Variants in EP300 observed in about 807,000 individuals in gnomAD.
EP300 encodes histone acetyltransferase p300.
EP300 carries 31 observed loss-of-function variants against 264.0 expected under a neutral mutation model. That is an observed-to-expected ratio of 0.12 (90% CI 0.09 to 0.16). The LOEUF is 0.16. Ranked by LOEUF, EP300 falls within the 10% of genes least tolerant of loss-of-function variation. The probability of loss-of-function intolerance (pLI) is 1.00; values close to 1 mark genes in which losing one functional copy is unlikely to be tolerated. For missense variants in EP300, 2,766 were observed against 3,052.9 expected (o/e 0.91, Z 2.21); for synonymous variants, 1,340 against 1,045.4 (o/e 1.28, Z -5.44).
At chr22:41,116,917 C>T (rs975655351) in intron 1 of EP300, among the ~76,000 whole-genome samples, 8 of 151,994 alleles carry the variant, frequency 5.3e-5, no homozygotes, top group South Asian at 2.1e-4. Flanking sequence ...AAATTTAGCT[C>T]GGTGTGGTGG....
chr22:41,157,448 G>T (rs1264724916), intron 18 of EP300, 40 bp downstream of exon 18: 1 of 1,601,140 alleles, frequency 6.2e-7, no homozygotes, highest in South Asian at 1.1e-5. Context: ...ACTTTTCTGG[G>T]ATACCTAGAA....
intron 1 of EP300, among the ~76,000 whole-genome samples, chr22:41,094,564 A>G (rs1338388284): frequency 6.6e-6 from 1 of 152,110 alleles, no homozygotes; most frequent in African/African-American, 2.4e-5. Flanking sequence ...GTCTCCAGGG[A>G]TTTTTTTAGC....
At chr22:41,119,662 G>A (rs1339959445) in intron 2 of EP300, among the ~76,000 whole-genome samples, 2 of 152,038 alleles carry the variant, frequency 1.3e-5, no homozygotes, top group Non-Finnish European at 2.9e-5. Context: ...CTGCTTGGGG[G>A]TGTGGGACTA....
chr22:41,123,743 C>T (rs1459453034), intron 2 of EP300, among the ~76,000 whole-genome samples: 1 of 114,340 alleles, frequency 8.7e-6, no homozygotes, highest in East Asian at 2.7e-4. Flanking sequence ...CAGAAGAGGA[C>T]GGTGGCTTCA....
intron 6 of EP300, 74 bp downstream of exon 6, chr22:41,131,707 GCTC>G: frequency 1.9e-6 from 3 of 1,601,988 alleles, no homozygotes; most frequent in Non-Finnish European, 2.6e-6. Flanking sequence ...AGTGTTGTTA[GCTC>G]CTTTTTATTT....
At position 41,179,874 on chromosome 22, in the gene EP300, CCCCACTCACACACA is replaced by C. The variant is rs2059231694; in HGVS notation, c.*920_*933del. ...TTGCTTTCTTCCTCCTTACCCTACC[CCCCACTCACACACA>C]CACACACACACACACACACACACAC... On this transcript the variant is annotated 3_prime_UTR_variant, in exon 31 of 31. Coordinates refer to ENST00000263253, the MANE Select transcript of EP300 (RefSeq NM_001429.4). The C allele has an allele frequency of 2.6e-5, 4 of 153,310 alleles. No individual in the cohort carries two copies. Among genetic ancestry groups the C allele is most frequent in the Admixed American group, 9.8e-5 (1 of 10,250 alleles). 9.5% of individuals were successfully genotyped at this position (153,310 alleles called of 1,614,324 possible).
intron 12 of EP300, 128 bp from the exon 13 acceptor site, chr22:41,148,910 A>C (rs1208493862): frequency 8.0e-7 from 1 of 1,248,124 alleles, no homozygotes; most frequent in Non-Finnish European, 1.1e-6. Context: ...AGCCCTCTTC[A>C]CCTATACTCC....
At position 41,129,903 on chromosome 22, in the gene EP300, A is replaced by G. The variant is rs1184294913; in HGVS notation, c.1182A>G (p.Ala394=). The G allele has an allele frequency of 2.5e-6, 4 of 1,613,788 alleles. No individual in the cohort carries two copies. Among genetic ancestry groups the G allele is most frequent in the South Asian group, 2.2e-5 (2 of 91,084 alleles). The change falls in exon 5 of 31, where the codon GCA becomes GCG. Residue 394 remains alanine (A), a synonymous_variant. Coordinates refer to ENST00000263253, the MANE Select transcript of EP300 (RefSeq NM_001429.4). ...SGKSCQVAHC[A]SSRQIISHWK... ...TCTTCTCTTTAGTGGCACACTGTGCATCTTCTCGACAAATCATTTCACACT... is the reference window on the plus strand; with the variant it reads ...TCTTCTCTTTAGTGGCACACTGTGCGTCTTCTCGACAAATCATTTCACACT...
chr22:41,167,831 T>G (rs1249164721), intron 23 of EP300, among the ~76,000 whole-genome samples: 9 of 74,810 alleles, frequency 1.2e-4, no homozygotes, highest in Admixed American at 3.1e-4. Context: ...TTTTTGTTTT[T>G]TTTTTTTTTT....
intron 1 of EP300, among the ~76,000 whole-genome samples, chr22:41,094,825 T>C (rs954730925): frequency 5.3e-5 from 8 of 152,186 alleles, no homozygotes; most frequent in African/African-American, 1.4e-4. Flanking sequence ...TTTTGTGTAC[T>C]TTGAGTAGTC....
At chr22:41,098,708 A>G (rs544957397) in intron 1 of EP300, among the ~76,000 whole-genome samples, 2 of 152,180 alleles carry the variant, frequency 1.3e-5, no homozygotes, top group Non-Finnish European at 2.9e-5. Context: ...GAGTAAAACT[A>G]AAAGTACTGA....
intron 1 of EP300, among the ~76,000 whole-genome samples, chr22:41,095,195 C>T (rs915767325): frequency 1.5e-4 from 22 of 149,646 alleles, no homozygotes; most frequent in South Asian, 2.1e-4. Flanking sequence ...AAAATACTGT[C>T]CCTCTGTTAA....
chr22:41,134,898 T>TTTTCTTTCTTTCTTTCTTTC (rs58117147), intron 6 of EP300, among the ~76,000 whole-genome samples: 3 of 151,646 alleles, frequency 2.0e-5, no homozygotes, highest in African/African-American at 7.3e-5. Context: ...AGCATTGCTT[T>TTTTCTTTCTTTCTTTCTTTC]TTTCTTTCTT....
chr22:41,156,771 T>G (rs1391409949), intron 17 of EP300, among the ~76,000 whole-genome samples: 1 of 151,974 alleles, frequency 6.6e-6, no homozygotes, highest in Non-Finnish European at 1.5e-5. Flanking sequence ...TTAGGACTTT[T>G]CCTCTCTTGT....
chr22:41,148,354 T>A (rs1396095567), intron 12 of EP300, among the ~76,000 whole-genome samples: 1 of 152,184 alleles, frequency 6.6e-6, no homozygotes, highest in Non-Finnish European at 1.5e-5. Context: ...CCTGCTGCCC[T>A]TTAGAGTTAG....
chr22:41,115,877 C>T (rs190996401), intron 1 of EP300, among the ~76,000 whole-genome samples: 4 of 152,336 alleles, frequency 2.6e-5, no homozygotes, highest in East Asian at 1.9e-4. Flanking sequence ...TATATAGGAA[C>T]TTGGTAAAAA....
intron 20 of EP300, among the ~76,000 whole-genome samples, chr22:41,161,459 T>C (rs2059107859): frequency 6.6e-6 from 1 of 151,894 alleles, no homozygotes; most frequent in Admixed American, 6.6e-5. Context: ...CTACTAAAAA[T>C]ACAAAAAATT....
At position 41,179,282 on chromosome 22, in the gene EP300, TTTA is replaced by T. The variant is rs779681402; in HGVS notation, c.*332_*334del. On this transcript the variant is annotated 3_prime_UTR_variant, in exon 31 of 31. Transcript: ENST00000263253. ...CTCCTGCCTTGCACCTCCAATAGGT[TTTA>T]TTATTTTTTTTAAATTAATGAACAT... 58 of 307,482 alleles carry T rather than the reference TTTA, an allele frequency of 1.9e-4. No individual in the cohort carries two copies. The highest frequency in any genetic ancestry group is 3.7e-4 in the South Asian group (5 of 13,456). 19.0% of individuals were successfully genotyped at this position (307,482 alleles called of 1,614,324 possible).
At chr22:41,147,158 T>G (rs892680723) in intron 11 of EP300, among the ~76,000 whole-genome samples, 3 of 151,964 alleles carry the variant, frequency 2.0e-5, no homozygotes, top group Non-Finnish European at 4.4e-5. Context: ...ACAAAAAAAT[T>G]AGCCGGTTGT....
Sources: gnomAD v4.1 joint callset for allele counts (sites outside exome capture counted in the v4.1 genomes callset) on GRCh38, gnomAD v4.1.1 for gene constraint, MANE v1.5 for transcripts, NCBI Gene and HGNC (gene_info 2026-07-23, HGNC 2026-07-21) for gene names.